AHCYL1: variants seen among roughly 807,000 people sequenced by gnomAD.
The protein encoded by AHCYL1 is adenosylhomocysteinase like 1.
In AHCYL1, 20 loss-of-function variants were observed where a neutral mutation model predicts 79.3. The ratio of observed to expected loss-of-function variants is 0.25; its 90% confidence interval spans 0.18 to 0.37. AHCYL1 has a LOEUF of 0.37. Among genes scored for constraint, AHCYL1 ranks in the 10% least tolerant of loss-of-function variants. The pLI is 1.00. For missense variants in AHCYL1, 330 were observed against 673.6 expected, an observed-to-expected ratio of 0.49 and a Z score of 5.65; for synonymous variants, 223 against 242.2, an observed-to-expected ratio of 0.92 and a Z score of 0.74.
chr1:109,995,701 A>G, intron 1 of AHCYL1: 1 of 985,318 alleles, frequency 1.0e-6, no homozygotes, highest in Non-Finnish European at 1.2e-6. Context: ...AAGGAGAAGA[A>G]GGTATCAGTC....
At chr1:110,000,955 C>G in intron 1 of AHCYL1, 3 of 985,166 alleles carry the variant, frequency 3.0e-6, no homozygotes, top group Non-Finnish European at 3.6e-6. Flanking sequence ...TCATATAAAT[C>G]TAGGCATTCA....
intron 1 of AHCYL1, among the ~76,000 whole-genome samples, chr1:110,008,198 T>A (rs981737343): frequency 2.7e-4 from 41 of 152,034 alleles, no homozygotes; most frequent in Admixed American, 1.3e-4. Context: ...ATTTTTGTAT[T>A]TTTAGTAGAG....
At chr1:110,016,759 C>G (rs1319840966) in intron 9 of AHCYL1, 29 bp downstream of exon 9, 1 of 1,612,724 alleles carries the variant, frequency 6.2e-7, no homozygotes, top group Non-Finnish European at 8.5e-7. Flanking sequence ...GTGTCTCTTT[C>G]TTTTTGTGTA....
chr1:110,008,715 G>A (rs909283436), intron 1 of AHCYL1, among the ~76,000 whole-genome samples: 8 of 152,088 alleles, frequency 5.3e-5, no homozygotes, highest in Admixed American at 4.6e-4. Context: ...AATCTGTCAG[G>A]GTTATAAGAG....
At chr1:110,019,730 C>A (rs929644068) in intron 15 of AHCYL1, 104 bp downstream of exon 15, 21 of 1,097,334 alleles carry the variant, frequency 1.9e-5, no homozygotes, top group Non-Finnish European at 2.8e-5. Context: ...ATTCCTGTTC[C>A]TGTGCTTACT....
intron 16 of AHCYL1, 70 bp downstream of exon 16, chr1:110,020,921 G>C (rs1175311936): frequency 6.5e-7 from 1 of 1,530,616 alleles, no homozygotes; most frequent in Non-Finnish European, 8.8e-7. Context: ...GCCTGCTTCT[G>C]ACATAAAGAT....
At position 110,021,901 on chromosome 1, in the gene AHCYL1, C is replaced by T; in HGVS notation, c.*221C>T. 2.0e-6 allele frequency: 1 copy of T among 498,174 alleles called. No homozygotes were observed. Among genetic ancestry groups the T allele is most frequent in the South Asian group, 3.3e-5 (1 of 30,708 alleles). 30.9% of individuals were successfully genotyped at this position (498,174 alleles called of 1,614,324 possible). ...AGTTCAGGGTTCCTCACTCTAGTCACTAAAGAAGGATTTTACTCTCCCAGC... is the reference window on the plus strand; with the variant it reads ...AGTTCAGGGTTCCTCACTCTAGTCATTAAAGAAGGATTTTACTCTCCCAGC... On this transcript the variant is annotated 3_prime_UTR_variant, in exon 17 of 17. Transcript: ENST00000369799.
rs778314620 is a variant in AHCYL1 at position 110,019,629 on chromosome 1, G to A, written c.1465+3G>A. ...GTACTTGCTTCCTAAGAAAATGGGT[G>A]AGTGAAAAACAGTGGAAATCTATGC... On this transcript the variant is annotated splice_donor_region_variant and intron_variant, in intron 15 of 16. Transcript: ENST00000369799. 6.2e-7 allele frequency: 1 copy of A among 1,611,236 alleles called. No individual in the cohort carries two copies. The highest frequency in any genetic ancestry group is 1.1e-5 in the South Asian group (1 of 90,590).
chr1:110,013,138 A>G, intron 5 of AHCYL1, 139 bp downstream of exon 5: 1 of 589,036 alleles, frequency 1.7e-6, no homozygotes, highest in Non-Finnish European at 2.9e-6. Context: ...CTCAACAGGA[A>G]GAAAGTGGAT....
chr1:109,987,161 C>T (rs1557757286), intron 1 of AHCYL1, among the ~76,000 whole-genome samples: 1 of 152,150 alleles, frequency 6.6e-6, no homozygotes, highest in Non-Finnish European at 1.5e-5. Context: ...TGACTAATTA[C>T]CCTTTCCCTA....
At chr1:109,999,343 T>C (rs1650188824) in intron 1 of AHCYL1, among the ~76,000 whole-genome samples, 1 of 152,224 alleles carries the variant, frequency 6.6e-6, no homozygotes, top group Non-Finnish European at 1.5e-5. Flanking sequence ...TACAATGTTA[T>C]TGTTAACTGT....
At chr1:110,016,847 T>C (rs1651451246) in intron 9 of AHCYL1, 117 bp downstream of exon 9, 2 of 1,119,558 alleles carry the variant, frequency 1.8e-6, no homozygotes, top group South Asian at 1.5e-5. Flanking sequence ...TTTTTTTAGA[T>C]AATGTATCTC....
Position 110,018,566 on chromosome 1 carries a change from T to G in AHCYL1, c.1233T>G (p.Thr411=), listed in dbSNP as rs547093566. 82 of 1,614,090 alleles carry G rather than the reference T, an allele frequency of 5.1e-5. No individual in the cohort carries two copies. In the Middle Eastern group the frequency reaches 2.3e-3, roughly 45 times the overall value. The change falls in exon 13 of 17, where the codon ACT becomes ACG. Residue 411 remains threonine (T), a synonymous_variant. Coordinates refer to ENST00000369799, the MANE Select transcript of AHCYL1 (RefSeq NM_006621.7). ...CTTCCTTTCAGACCAGCCTCCGCAC[T>G]CCGGAGCTGACGTGGGAGCGAGTAC... ...NTEIDVTSLR[T]PELTWERVRS...
intron 6 of AHCYL1, among the ~76,000 whole-genome samples, chr1:110,015,087 G>T (rs1651327286): frequency 6.6e-6 from 1 of 152,100 alleles, no homozygotes; most frequent in South Asian, 2.1e-4. Context: ...CAAAATAGTG[G>T]TGCTTCTTTG....
chr1:110,014,940 T>G (rs189382273), intron 6 of AHCYL1, 83 bp downstream of exon 6: 1 of 1,314,306 alleles, frequency 7.6e-7, no homozygotes, highest in Non-Finnish European at 1.1e-6. Context: ...TAAATATGTT[T>G]TGGATGTTTG....
chr1:110,008,219 A>G (rs1650790395), intron 1 of AHCYL1, among the ~76,000 whole-genome samples: 2 of 151,868 alleles, frequency 1.3e-5, no homozygotes, highest in Non-Finnish European at 2.9e-5. Flanking sequence ...ACGGGGCTTC[A>G]CCGTCTTGGC....
chr1:110,017,703 C>A, intron 10 of AHCYL1, 120 bp downstream of exon 10: 1 of 1,116,834 alleles, frequency 9.0e-7, no homozygotes, highest in Non-Finnish European at 1.3e-6. Flanking sequence ...AAGGCTAGGA[C>A]TGCTCTGTTC....
chr1:110,014,915 C>G (rs1651306858), intron 6 of AHCYL1, 58 bp downstream of exon 6: 2 of 1,488,810 alleles, frequency 1.3e-6, no homozygotes, highest in Non-Finnish European at 9.4e-7. Flanking sequence ...TTTTTTCCCT[C>G]AAAGCATGGT....
chr1:110,015,638 A>G, intron 7 of AHCYL1, 107 bp downstream of exon 7: 1 of 811,816 alleles, frequency 1.2e-6, no homozygotes. Flanking sequence ...AAATGGGAAT[A>G]TCTTCATTAG....
Sources: allele counts gnomAD v4.1 joint callset (sites outside exome capture counted in the v4.1 genomes callset), GRCh38; gene constraint gnomAD v4.1.1; transcripts MANE v1.5; gene names NCBI Gene and HGNC (gene_info 2026-07-23, HGNC 2026-07-21).